Variants in RGMB observed in about 807,000 individuals in gnomAD.
The protein encoded by RGMB is repulsive guidance molecule B.
RGMB carries 16 observed loss-of-function variants against 26.9 expected under a neutral mutation model. The ratio of observed to expected loss-of-function variants is 0.60; its 90% CI spans 0.40 to 0.90. The LOEUF (loss-of-function observed/expected upper bound fraction) is 0.90. Ranked by LOEUF, RGMB falls within the 40% of genes least tolerant of loss-of-function variation. RGMB has a pLI of 0.00. For missense variants in RGMB, 512 were observed against 573.3 expected, an observed-to-expected ratio of 0.89 and a Z score of 1.09; for synonymous variants, 225 against 229.3, an observed-to-expected ratio of 0.98 and a Z score of 0.17.
At chr5:98,784,093 C>T (rs1317998044) in intron 2 of RGMB, among the ~76,000 whole-genome samples, 3 of 152,108 alleles carry the variant, frequency 2.0e-5, no homozygotes, top group Admixed American at 2.0e-4. Context: ...TACCTTAAGG[C>T]GTTTGAATTT....
At chr5:98,770,687 C>G (rs997435933), upstream of RGMB, 27 of 1,442,806 alleles carry the variant, frequency 1.9e-5, no homozygotes, top group Non-Finnish European at 2.5e-5. Flanking sequence ...AGTACAGGCA[C>G]TTGATTTCTC....
intron 1 of RGMB, among the ~76,000 whole-genome samples, chr5:98,779,063 TA>T (rs1040165131): frequency 6.6e-6 from 1 of 152,098 alleles, no homozygotes; most frequent in Non-Finnish European, 1.5e-5. Flanking sequence ...GTAAATCAAG[TA>T]AAGGTGTTTT....
chr5:98,776,621 C>G (rs1746411073), intron 1 of RGMB, among the ~76,000 whole-genome samples: 1 of 152,210 alleles, frequency 6.6e-6, no homozygotes, highest in Non-Finnish European at 1.5e-5. Flanking sequence ...TATAGAAGCC[C>G]ACAAGGCAGC....
At chr5:98,780,208 C>A in intron 2 of RGMB, 120 bp downstream of exon 2, 1 of 862,228 alleles carries the variant, frequency 1.2e-6, no homozygotes, top group Non-Finnish European at 1.8e-6. Context: ...TTTTGAAAAG[C>A]AATTAACAGT....
upstream of RGMB, chr5:98,771,051 A>C (rs1444708564): frequency 5.0e-6 from 1 of 199,348 alleles, no homozygotes; most frequent in Non-Finnish European, 1.0e-5. Flanking sequence ...TAGGCTCAGG[A>C]AATGAAACTG....
upstream of RGMB, chr5:98,770,636 G>A: frequency 1.4e-6 from 2 of 1,426,226 alleles, no homozygotes; most frequent in Non-Finnish European, 1.8e-6. Flanking sequence ...CCCTGATCCC[G>A]CTGAGCCCCC....
chr5:98,780,251 G>T, intron 2 of RGMB, 163 bp downstream of exon 2: 2 of 600,634 alleles, frequency 3.3e-6, no homozygotes, highest in Non-Finnish European at 5.7e-6. Flanking sequence ...TATCTAGTAA[G>T]GAATTTCTTA....
chr5:98,789,865 C>T (rs1426454075), intron 2 of RGMB, among the ~76,000 whole-genome samples: 1 of 152,142 alleles, frequency 6.6e-6, no homozygotes, highest in Non-Finnish European at 1.5e-5. Context: ...GCATAGCTAA[C>T]GTTTTTAAAT....
intron 1 of RGMB, among the ~76,000 whole-genome samples, chr5:98,775,069 C>T (rs1056644782): frequency 2.0e-5 from 3 of 152,066 alleles, no homozygotes; most frequent in Non-Finnish European, 4.4e-5. Flanking sequence ...TTGAAAGGGT[C>T]ATTTTCCTTT....
intron 2 of RGMB, chr5:98,781,106 CTT>C (rs1746589137): frequency 1.3e-5 from 2 of 152,186 alleles, no homozygotes; most frequent in Non-Finnish European, 2.9e-5. Context: ...CGACTGTTCT[CTT>C]GATTCCAGGA....
chr5:98,783,488 G>A (rs954764127), intron 2 of RGMB, among the ~76,000 whole-genome samples: 3 of 152,162 alleles, frequency 2.0e-5, no homozygotes, highest in Non-Finnish European at 2.9e-5. Context: ...TCCAGAGAGG[G>A]CACATGTCAG....
chr5:98,791,106 CACA>C (rs1746916586), intron 2 of RGMB, among the ~76,000 whole-genome samples: 3 of 152,168 alleles, frequency 2.0e-5, no homozygotes, highest in African/African-American at 4.8e-5. Flanking sequence ...TGGTTGGATG[CACA>C]ACAAATTTCC....
intron 1 of RGMB, among the ~76,000 whole-genome samples, chr5:98,774,808 G>C (rs1054283310): frequency 1.3e-5 from 2 of 152,158 alleles, no homozygotes; most frequent in Non-Finnish European, 1.5e-5. Flanking sequence ...GGAAAAGCTC[G>C]TGTTTTGTGA....
At chr5:98,768,941 G>C (rs1276118193), upstream of RGMB, 1 of 152,204 alleles carries the variant, frequency 6.6e-6, no homozygotes, top group African/African-American at 2.4e-5. Context: ...GCCGGGGCGC[G>C]GAGTGGGAAC....
chr5:98,791,815 G>GT (rs1746939765), intron 2 of RGMB, among the ~76,000 whole-genome samples: 1 of 152,186 alleles, frequency 6.6e-6, no homozygotes, highest in East Asian at 1.9e-4. Context: ...TACCAGAGAT[G>GT]TTGGATATGT....
intron 2 of RGMB, among the ~76,000 whole-genome samples, chr5:98,787,475 A>G (rs1279715644): frequency 6.6e-6 from 1 of 152,230 alleles, no homozygotes; most frequent in South Asian, 2.1e-4. Flanking sequence ...AGTTACTGCC[A>G]CCAGCCCTGG....
At chr5:98,771,984 T>C (rs1355088803), upstream of RGMB, among the ~76,000 whole-genome samples, 1 of 152,212 alleles carries the variant, frequency 6.6e-6, no homozygotes, top group Non-Finnish European at 1.5e-5. Context: ...TGAAAATCAG[T>C]ATTATGTTTG....
At position 98,773,832 on chromosome 5, in the gene RGMB, TGCCGCCTCCG is replaced by T. The variant is rs928531059; in HGVS notation, c.-232_-223del. ...CTTCTCTTCCGCCCCTTTCCCTGCC[TGCCGCCTCCG>T]GCCGCCACGATGCCCCTGCGCCCCG... is the stretch of plus-strand genomic sequence containing the variant. On this transcript the variant is annotated 5_prime_UTR_variant, in exon 1 of 3. Transcript: ENST00000513185. 85 of 466,916 alleles carry T rather than the reference TGCCGCCTCCG, an allele frequency of 1.8e-4. No homozygotes were observed. Among genetic ancestry groups the T allele is most frequent in the African/African-American group, 1.3e-3 (65 of 48,472 alleles). The allele number at this position is 466,916 out of a possible 1,614,324, so 28.9% of individuals were successfully genotyped here.
At position 98,774,113 on chromosome 5, in the gene RGMB, G is replaced by C; in HGVS notation, c.43G>C (p.Ala15Pro). ...AAPSSAAAAA[A>P]EVEQRRSPGL... ...ACCTTCCAGCGCCGCCGCTGCCGCC[G>C]CCGAGGTTGAGCAGCGCCGCAGCCC... Residue 15 changes from alanine (A) to proline (P), a missense_variant, in exon 1 of 3, where the codon GCC (alanine) becomes CCC (proline). Transcript: ENST00000513185. The C allele has an allele frequency of 7.3e-7, 1 of 1,369,678 alleles. No individual in the cohort carries two copies. The highest frequency in any genetic ancestry group is 9.9e-7 in the Non-Finnish European group (1 of 1,009,902). The allele number at this position is 1,369,678 out of a possible 1,614,324, so 84.8% of individuals were successfully genotyped here. A position where few individuals can be genotyped will look rare whatever the true frequency, so the allele number is the denominator to read the frequency against.
Sources: gnomAD v4.1 joint callset for allele counts (sites outside exome capture counted in the v4.1 genomes callset) on GRCh38, gnomAD v4.1.1 for gene constraint, MANE v1.5 for transcripts, NCBI Gene and HGNC (gene_info 2026-07-23, HGNC 2026-07-21) for gene names.